Variants in TASOR2 observed in about 807,000 individuals in gnomAD.
TASOR2 encodes the protein transcription activation suppressor family member 2.
In TASOR2, 84 loss-of-function variants were observed where a neutral mutation model predicts 199.5. That is an observed-to-expected ratio of 0.42 (90% CI 0.35 to 0.50). TASOR2 has a LOEUF of 0.50. Ranked by LOEUF, TASOR2 falls within the 20% of genes least tolerant of loss-of-function variation. The probability of loss-of-function intolerance (pLI) is 0.02; values close to 1 mark genes in which losing one functional copy is unlikely to be tolerated. For synonymous variants in TASOR2, 1,103 were observed against 1,046.6 expected, an observed-to-expected ratio of 1.05 and a Z score of -1.04; for missense variants, 2,796 against 2,835.9, an observed-to-expected ratio of 0.99 and a Z score of 0.32.
intron 13 of TASOR2, 105 bp from the exon 15 acceptor site, chr10:5,741,991 TA>T: frequency 1.9e-6 from 2 of 1,078,414 alleles, no homozygotes; most frequent in Non-Finnish European, 1.3e-6. Flanking sequence ...ATTTTAAAAA[TA>T]AAAACAAAAA....
intron 1 of TASOR2, among the ~76,000 whole-genome samples, chr10:5,697,255 T>C (rs964418813): frequency 6.6e-6 from 1 of 150,898 alleles, no homozygotes; most frequent in African/African-American, 2.4e-5. Context: ...GTGCTAGCTC[T>C]TAAACTGCAT....
exon 12 of TASOR2, chr10:5,735,362 A>G (rs1258382060): frequency 6.2e-6 from 10 of 1,614,072 alleles, no homozygotes; most frequent in Non-Finnish European, 8.5e-6. Context: ...GGAAAAACCA[A>G]GAAGCTCCTA....
chr10:5,749,531 G>GC lies in TASOR2; in HGVS notation c.6115dup (p.Leu2039ProfsTer36). On this transcript the variant is annotated frameshift_variant, in exon 15 of 21. Transcript: ENST00000328090. LOFTEE classifies it high-confidence loss of function. ...CTGCATCCTGCACCTAGGAGCAGAA[G>GC]CCCCCTTCTGGTAACAGTTGTGGAG... 1 of 1,614,060 alleles carries GC rather than the reference G, an allele frequency of 6.2e-7. No homozygotes were observed. The highest frequency in any genetic ancestry group is 8.5e-7 in the Non-Finnish European group (1 of 1,180,046).
intron 1 of TASOR2, among the ~76,000 whole-genome samples, chr10:5,693,118 C>G (rs937258306): frequency 6.6e-5 from 10 of 152,132 alleles, no homozygotes; most frequent in African/African-American, 2.4e-4. Flanking sequence ...TTGGCAGGGT[C>G]AGTGAGGCCC....
At chr10:5,757,344 A>T (rs1348362627) in intron 16 of TASOR2, among the ~76,000 whole-genome samples, 176 bp from the exon 18 acceptor site, 1 of 152,110 alleles carries the variant, frequency 6.6e-6, no homozygotes, top group African/African-American at 2.4e-5. Context: ...GCCCCTGGTG[A>T]TGATGAGCTC....
At position 5,698,495 on chromosome 10, in the gene TASOR2, A is replaced by G. The variant is rs1837420228; in HGVS notation, c.-288+13320A>G. 6.6e-6 allele frequency among the ~76,000 whole-genome samples: 1 copy of G among 152,226 alleles called. No homozygotes were observed. Among genetic ancestry groups the G allele is most frequent in the African/African-American group, 2.4e-5 (1 of 41,454 alleles). ...AATTTTCTACAGACGATATTTTTCA[A>G]AACAATATTAGCAGAAAATAAATCA... is the stretch of plus-strand genomic sequence containing the variant. On this transcript the variant is annotated intron_variant, in intron 1 of 20. Coordinates refer to ENST00000328090, the Ensembl canonical transcript of TASOR2. The surrounding 1 kb of genome is among the most constrained non-coding windows in gnomAD (Gnocchi z 4.4).
rs767684520 is a variant in TASOR2, at chr10:5,727,032, TTTCTTC to T, written c.425-24_425-19del. On this transcript the variant is annotated intron_variant, in intron 9 of 20. Transcript: ENST00000328090. ...GCTTTATAAGATCAACAACCTAACT[TTTCTTC>T]TTCTGATTCTCATTCTGCATAGATT... 3.1e-6 allele frequency: 5 copies of T among 1,613,990 alleles called. No individual in the cohort carries two copies. The South Asian group carries it at 4.4e-5, about 14-fold the overall frequency.
rs765174439 is a variant in TASOR2 at position 5,742,443 on chromosome 10, A to G, written c.2674A>G (p.Asn892Asp). ...CCAAGGCTTGGAACTCTGTGTACAA[A>G]ATGAACAGAAAAAAACTTTTGCAAG... Residue 892 changes from asparagine (N) to aspartate (D), a missense_variant, in exon 14 of 21, where the codon AAT becomes GAT. By Grantham distance (23) the Asn-to-Asp change is conservative. This residue lies in a region of TASOR2 where 1,941 missense variants were observed against 1,924.9 expected (regional missense o/e 1.01). Coordinates refer to ENST00000328090, the Ensembl canonical transcript of TASOR2. The surrounding 1 kb of genome is among the most constrained non-coding windows in gnomAD (Gnocchi z 4.2). 1.4e-5 allele frequency: 22 copies of G among 1,614,050 alleles called. No homozygotes were observed. The Admixed American group carries it at 3.3e-4, about 24-fold the overall frequency.
intron 12 of TASOR2, among the ~76,000 whole-genome samples, chr10:5,736,278 C>T (rs1253236916): frequency 3.3e-5 from 5 of 151,982 alleles, no homozygotes; most frequent in East Asian, 1.9e-4. Context: ...ATTAGCCAGG[C>T]GTGGTGGCAC....
intron 14 of TASOR2, chr10:5,744,189 G>A (rs901930092): frequency 6.6e-6 from 1 of 152,218 alleles, no homozygotes; most frequent in African/African-American, 2.4e-5. Flanking sequence ...CACATGATTG[G>A]GAGGGCCATT....
chr10:5,739,593 C>CT lies in TASOR2; in HGVS notation c.1448-15dup, dbSNP rs369547597. 9,339 of 1,360,234 alleles carry CT rather than the reference C, an allele frequency of 6.9e-3. 60 individuals carry two copies. The highest frequency in any genetic ancestry group is 0.053 in the African/African-American group (3,626 of 68,120). The allele number at this position is 1,360,234 out of a possible 1,614,324, so 84.3% of individuals were successfully genotyped here. On this transcript the variant is annotated intron_variant, in intron 12 of 20. Coordinates refer to ENST00000328090, the Ensembl canonical transcript of TASOR2. ...AATTCTATGACAAGCAAACATCTCTCTTTTTTTTTTCTTTTATACTGAAGT... is the reference window on the plus strand; with the variant it reads ...AATTCTATGACAAGCAAACATCTCTCTTTTTTTTTTTCTTTTATACTGAAGT...
intron 3 of TASOR2, among the ~76,000 whole-genome samples, chr10:5,718,456 C>T (rs994267593): frequency 6.7e-6 from 1 of 149,840 alleles, no homozygotes; most frequent in Non-Finnish European, 1.5e-5. Context: ...CTCAAAAAAG[C>T]GGAGGGAGAG....
chr10:5,754,190 C>T lies in TASOR2; in HGVS notation c.6607-2423C>T, dbSNP rs535062580. On this transcript the variant is annotated intron_variant, in intron 15 of 20. Coordinates refer to ENST00000328090, the Ensembl canonical transcript of TASOR2. This position sits in a 1 kb window ranked among gnomAD's most constrained non-coding sequence, Gnocchi z 4.3. ...TGTGGCGGCGCGCGCTTGTGGTACTCGGGAGGCTAAGGCAGGAGAATCACT... is the reference window on the plus strand; with the variant it reads ...TGTGGCGGCGCGCGCTTGTGGTACTTGGGAGGCTAAGGCAGGAGAATCACT... Among the ~76,000 whole-genome samples, 8 of 152,076 alleles carry T rather than the reference C, an allele frequency of 5.3e-5. No homozygotes were observed. In the East Asian group the frequency reaches 1.4e-3, roughly 26 times the overall value.
At chr10:5,711,008 A>C (rs1010651893) in intron 1 of TASOR2, among the ~76,000 whole-genome samples, 8 of 152,112 alleles carry the variant, frequency 5.3e-5, no homozygotes, top group Admixed American at 5.2e-4. Context: ...ATTTGCATCT[A>C]TTCAGAATAT....
rs543913469 is a variant in TASOR2 at position 5,740,334 on chromosome 10, C to A, written c.2164C>A (p.Pro722Thr). Reference sequence around the variant, plus strand: ...CCCCGTGGTGAAGCCCAAGGATCGACCACCGTCTGCCCGTGTGAAAAAATC... The same window carrying A: ...CCCCGTGGTGAAGCCCAAGGATCGAACACCGTCTGCCCGTGTGAAAAAATC... The change falls in exon 13 of 21, where the codon CCA (proline) becomes ACA (threonine). Residue 722 changes from proline (P) to threonine (T), a missense_variant. This residue lies in a region of TASOR2 where 847 missense variants were observed against 887.4 expected (regional missense o/e 0.95). Transcript: ENST00000328090. This position sits in a 1 kb window ranked among gnomAD's most constrained non-coding sequence, Gnocchi z 5.3. 1 of 1,614,240 alleles carries A rather than the reference C, an allele frequency of 6.2e-7. No homozygotes were observed. The highest frequency in any genetic ancestry group is 1.7e-5 in the Admixed American group (1 of 60,028).
At chr10:5,741,671 A>G (rs553366813) in intron 13 of TASOR2, among the ~76,000 whole-genome samples, 1 of 152,366 alleles carries the variant, frequency 6.6e-6, no homozygotes, top group South Asian at 2.1e-4. Context: ...CTCAATTATT[A>G]GAAGAGAGAC....
chr10:5,745,073 T>G (rs1836990646), intron 14 of TASOR2, among the ~76,000 whole-genome samples: 2 of 152,218 alleles, frequency 1.3e-5, no homozygotes, highest in African/African-American at 4.8e-5. Context: ...CAGTTCATTT[T>G]ATTATATGCT....
At position 5,720,574 on chromosome 10, in the gene TASOR2, G is replaced by A. The variant is rs1833225536; in HGVS notation, c.-69G>A. On this transcript the variant is annotated 5_prime_UTR_variant, in exon 4 of 21. Coordinates refer to ENST00000328090, the Ensembl canonical transcript of TASOR2. The surrounding 1 kb of genome is among the most constrained non-coding windows in gnomAD (Gnocchi z 5.3). Reference sequence around the variant, plus strand: ...CTTTTACGAACTTTCAGGCAACACCGTTATTGAACGACCCAGACAGATCTG... The same window carrying A: ...CTTTTACGAACTTTCAGGCAACACCATTATTGAACGACCCAGACAGATCTG... 1.1e-5 allele frequency: 18 copies of A among 1,606,766 alleles called. No homozygotes were observed. The highest frequency in any genetic ancestry group is 2.7e-5 in the African/African-American group (2 of 74,642).
intron 11 of TASOR2, 112 bp downstream of exon 12, chr10:5,731,315 G>T (rs1441052272): frequency 3.0e-6 from 3 of 986,532 alleles, no homozygotes; most frequent in Non-Finnish European, 4.5e-6. Flanking sequence ...GATCACCTAA[G>T]GTCAGGAGTT....
Sources: allele counts gnomAD v4.1 joint callset (sites outside exome capture counted in the v4.1 genomes callset), GRCh38; gene constraint gnomAD v4.1.1; regional missense constraint gnomAD v4.1.1; non-coding constraint Gnocchi (gnomAD v3.1); transcripts MANE v1.5; gene names NCBI Gene and HGNC (gene_info 2026-07-23, HGNC 2026-07-21).